Variants in PPP2CA observed in about 807,000 individuals in gnomAD.
PPP2CA encodes the protein serine/threonine-protein phosphatase 2A catalytic subunit alpha isoform.
PPP2CA carries 5 observed loss-of-function variants against 38.8 expected under a neutral mutation model. That is an observed-to-expected ratio of 0.13 (90% CI 0.07 to 0.27). The LOEUF (loss-of-function observed/expected upper bound fraction) is 0.27, where lower values mean the gene tolerates loss of function less well. PPP2CA is among the 10% of genes least tolerant of loss of function. The probability of loss-of-function intolerance (pLI) is 1.00; values close to 1 mark genes in which losing one functional copy is unlikely to be tolerated. For synonymous variants in PPP2CA, 152 were observed against 134.0 expected, an observed-to-expected ratio of 1.13 and a Z score of -0.93; for missense variants, 88 against 389.7, an observed-to-expected ratio of 0.23 and a Z score of 6.52.
At chr5:134,198,550 T>C (rs1315202395) in intron 6 of PPP2CA, among the ~76,000 whole-genome samples, 1 of 152,050 alleles carries the variant, frequency 6.6e-6, no homozygotes, top group Admixed American at 6.5e-5. Context: ...AGTTGGAATC[T>C]GACATAGCAT....
intron 4 of PPP2CA, among the ~76,000 whole-genome samples, chr5:134,200,705 G>T (rs561786056): frequency 6.6e-6 from 1 of 152,306 alleles, no homozygotes; most frequent in South Asian, 2.1e-4. Context: ...ACATCCATGG[G>T]ACCCAGCAGC....
Position 134,195,289 on chromosome 5 carries a change from C to T in PPP2CA, c.*2483G>A, listed in dbSNP as rs1468614011. On this transcript the variant is annotated 3_prime_UTR_variant, in exon 7 of 7. Transcript: ENST00000481195. ...TTTTTGAGACAGGGTCTGGCTCTGT[C>T]ACCCAGACTGGAGTACAGTGGCACA... The T allele has an allele frequency of 6.6e-6, 1 of 152,148 alleles. No homozygotes were observed. Among genetic ancestry groups the T allele is most frequent in the Non-Finnish European group, 1.5e-5 (1 of 68,036 alleles). The allele number at this position is 152,148 out of a possible 1,614,324, so 9.4% of individuals were successfully genotyped here.
chr5:134,200,298 TA>T (rs755761562), intron 5 of PPP2CA, 36 bp downstream of exon 5: 1 of 1,558,378 alleles, frequency 6.4e-7, no homozygotes, highest in Non-Finnish European at 8.7e-7. Context: ...TTAAGTTTAC[TA>T]AAAAAACAAG....
chr5:134,214,346 T>C (rs1239409294), intron 1 of PPP2CA, among the ~76,000 whole-genome samples: 1 of 152,228 alleles, frequency 6.6e-6, no homozygotes, highest in Non-Finnish European at 1.5e-5. Context: ...TAGTGATTTT[T>C]TAAAACTACA....
At chr5:134,224,727 C>T (rs1762525972) in intron 1 of PPP2CA, among the ~76,000 whole-genome samples, 1 of 152,152 alleles carries the variant, frequency 6.6e-6, no homozygotes, top group Non-Finnish European at 1.5e-5. Flanking sequence ...TTCCCCAACC[C>T]CCAGGGGAAA....
chr5:134,225,656 G>T, intron 1 of PPP2CA, 104 bp downstream of exon 1: 3 of 1,011,650 alleles, frequency 3.0e-6, no homozygotes, highest in Non-Finnish European at 4.2e-6. Context: ...AGACTCGGGG[G>T]GCCCGGACCG....
At chr5:134,206,759 T>C (rs1432399669) in intron 1 of PPP2CA, among the ~76,000 whole-genome samples, 1 of 152,228 alleles carries the variant, frequency 6.6e-6, no homozygotes, top group African/African-American at 2.4e-5. Flanking sequence ...TCAGCCCTGT[T>C]TGACTTTTTA....
chr5:134,216,265 G>T (rs575574418), intron 1 of PPP2CA, among the ~76,000 whole-genome samples: 6 of 152,070 alleles, frequency 3.9e-5, no homozygotes, highest in African/African-American at 1.4e-4. Context: ...GGGTGGGCAC[G>T]GTGGATCATG....
rs1762573552 is a variant in PPP2CA at position 134,225,986 on chromosome 5, T to C, written c.-125A>G. ...TTCTGGCGGCTGTTGAGGCTGGCGC[T>C]GGCCCGCTGGCTCTCACCGCAGTAC... On this transcript the variant is annotated 5_prime_UTR_variant, in exon 1 of 7. Transcript: ENST00000481195. The C allele has an allele frequency of 2.5e-6, 2 of 811,420 alleles. No individual in the cohort carries two copies. Among genetic ancestry groups the C allele is most frequent in the Non-Finnish European group, 1.9e-6 (1 of 525,922 alleles). 50.3% of individuals were successfully genotyped at this position (811,420 alleles called of 1,614,324 possible). A position where few individuals can be genotyped will look rare whatever the true frequency, so the allele number is the denominator to read the frequency against.
At chr5:134,218,880 AG>A (rs947304484) in intron 1 of PPP2CA, among the ~76,000 whole-genome samples, 2 of 152,140 alleles carry the variant, frequency 1.3e-5, no homozygotes, top group African/African-American at 2.4e-5. Context: ...CGTGCTAGCC[AG>A]GATGGGCTCC....
chr5:134,222,805 T>A (rs950345810), intron 1 of PPP2CA, among the ~76,000 whole-genome samples: 8 of 152,234 alleles, frequency 5.3e-5, no homozygotes, highest in African/African-American at 1.9e-4. Context: ...ATCAACAAAT[T>A]ATGATTCTCA....
rs1761832798 is a variant in PPP2CA at position 134,195,661 on chromosome 5, C to T, written c.*2111G>A. ...CATCCAACCATAATTATGTATTTTT[C>T]AAGAAAATACATAATTTACTAACAC... On this transcript the variant is annotated 3_prime_UTR_variant, in exon 7 of 7. Transcript: ENST00000481195. 1 of 152,162 alleles carries T rather than the reference C, an allele frequency of 6.6e-6. No individual in the cohort carries two copies. Among genetic ancestry groups the T allele is most frequent in the Non-Finnish European group, 1.5e-5 (1 of 68,026 alleles). The allele number at this position is 152,162 out of a possible 1,614,324, so 9.4% of individuals were successfully genotyped here. A position where few individuals can be genotyped will look rare whatever the true frequency, so the allele number is the denominator to read the frequency against.
chr5:134,209,663 A>G (rs1762161234), intron 1 of PPP2CA, among the ~76,000 whole-genome samples: 1 of 151,996 alleles, frequency 6.6e-6, no homozygotes, highest in Non-Finnish European at 1.5e-5. Context: ...CCGTAATCTC[A>G]GCTACTTGGG....
At chr5:134,219,667 C>G (rs530892548) in intron 1 of PPP2CA, among the ~76,000 whole-genome samples, 2 of 152,206 alleles carry the variant, frequency 1.3e-5, no homozygotes, top group East Asian at 3.9e-4. Flanking sequence ...CATTCTAAAC[C>G]ACAATCCACA....
chr5:134,200,963 T>C (rs764452353), intron 4 of PPP2CA, 22 bp downstream of exon 4: 38 of 1,558,814 alleles, frequency 2.4e-5, no homozygotes, highest in Non-Finnish European at 3.3e-5. Flanking sequence ...TCTGAAAGAA[T>C]TTTATCAAAT....
intron 3 of PPP2CA, among the ~76,000 whole-genome samples, chr5:134,201,324 G>A (rs534382927): frequency 2.4e-4 from 37 of 152,286 alleles, no homozygotes; most frequent in South Asian, 1.0e-3. Flanking sequence ...GCCTGAATGA[G>A]ACTTGACTTT....
chr5:134,197,593 G>T lies in PPP2CA; in HGVS notation c.*179C>A. ...CAATGAACTGGTTCATTCTAAAGTG[G>T]TCACGGCTGTTGATGACAAGAGGCT... On this transcript the variant is annotated 3_prime_UTR_variant, in exon 7 of 7. Transcript: ENST00000481195. The T allele has an allele frequency of 1.7e-6, 1 of 593,114 alleles. No homozygotes were observed. Among genetic ancestry groups the T allele is most frequent in the Non-Finnish European group, 3.0e-6 (1 of 330,980 alleles). The allele number at this position is 593,114 out of a possible 1,614,324, so 36.7% of individuals were successfully genotyped here.
At chr5:134,218,154 A>G in intron 1 of PPP2CA, among the ~76,000 whole-genome samples, 1 of 151,850 alleles carries the variant, frequency 6.6e-6, no homozygotes, top group East Asian at 1.9e-4. Flanking sequence ...AGATACCACT[A>G]ATATTTCACG....
intron 1 of PPP2CA, among the ~76,000 whole-genome samples, chr5:134,224,949 T>C (rs182612512): frequency 3.1e-4 from 47 of 152,358 alleles, no homozygotes; most frequent in Admixed American, 1.0e-3. Context: ...CTCTTCCATT[T>C]TATGTTGTTC....
Sources: gnomAD v4.1 joint callset for allele counts (sites outside exome capture counted in the v4.1 genomes callset) on GRCh38, gnomAD v4.1.1 for gene constraint, MANE v1.5 for transcripts, NCBI Gene and HGNC (gene_info 2026-07-23, HGNC 2026-07-21) for gene names.